The following PTPN22 variants were observed in gnomAD, a reference collection of about 807,000 sequenced individuals.
The protein encoded by PTPN22 is tyrosine-protein phosphatase non-receptor type 22.
In PTPN22, 85 loss-of-function variants were observed where a neutral mutation model predicts 103.3. The ratio of observed to expected loss-of-function variants is 0.82; its 90% CI spans 0.69 to 0.99. PTPN22 has a LOEUF of 0.99. PTPN22 is among the 50% of genes least tolerant of loss of function. The pLI, the probability that PTPN22 is intolerant of heterozygous loss-of-function variation, is 0.00. For missense variants in PTPN22, 865 were observed against 936.9 expected (o/e 0.92, Z 1.00); for synonymous variants, 323 against 310.2 (o/e 1.04, Z -0.43).
intron 10 of PTPN22, 117 bp from the exon 11 acceptor site, chr1:113,848,743 G>C: frequency 5.6e-6 from 5 of 895,776 alleles, no homozygotes; most frequent in Non-Finnish European, 8.7e-6. Context: ...AGACCCAAAA[G>C]GACGATCGGC....
Position 113,852,421 on chromosome 1 carries a change from T to G in PTPN22, c.751-317A>C, listed in dbSNP as rs187781178. The stretch of plus-strand genomic sequence containing the variant: ...TGAGAGTTGCATAAAATAAAAGAGG[T>G]TGGTAGGTAGGTCTAAAGGCCATAT... On this transcript the variant is annotated intron_variant, in intron 9 of 20. Coordinates refer to ENST00000359785, the Ensembl canonical transcript of PTPN22. Among the ~76,000 whole-genome samples, 4 of 152,090 alleles carry G rather than the reference T, an allele frequency of 2.6e-5. No homozygotes were observed. In the East Asian group the frequency reaches 7.7e-4, roughly 29 times the overall value.
chr1:113,859,317 G>A, intron 2 of PTPN22, 35 bp downstream of exon 2: 1 of 1,578,634 alleles, frequency 6.3e-7, no homozygotes, highest in Non-Finnish European at 8.7e-7. Flanking sequence ...GAATTTGGGA[G>A]AAAGTATGAG....
chr1:113,849,607 A>G (rs1294997901), intron 10 of PTPN22, among the ~76,000 whole-genome samples: 1 of 143,966 alleles, frequency 6.9e-6, no homozygotes, highest in African/African-American at 2.6e-5. Context: ...TTTTTTTTTG[A>G]GACACGGTCT....
At chr1:113,838,801 G>A (rs1663256789) in intron 11 of PTPN22, among the ~76,000 whole-genome samples, 181 bp from the exon 12 acceptor site, 1 of 152,148 alleles carries the variant, frequency 6.6e-6, no homozygotes, top group African/African-American at 2.4e-5. Context: ...ATACTGAGAT[G>A]GCCAGAATAA....
rs1213608568 is a variant in PTPN22 at position 113,858,791 on chromosome 1, C to T, written c.273+211G>A. Among the ~76,000 whole-genome samples, 3 of 151,938 alleles carry T rather than the reference C, an allele frequency of 2.0e-5. No individual in the cohort carries two copies. The East Asian group carries it at 5.8e-4, about 29-fold the overall frequency. On this transcript the variant is annotated intron_variant, in intron 3 of 20. Transcript: ENST00000359785. ...AGTAGCTGGGACTACAAGCGCATGC[C>T]ACCACACCTGGCTAATTTTTTAACT...
intron 1 of PTPN22, among the ~76,000 whole-genome samples, chr1:113,867,723 A>G (rs1358452928): frequency 6.6e-6 from 1 of 152,234 alleles, no homozygotes; most frequent in Non-Finnish European, 1.5e-5. Flanking sequence ...AAAACCTTAG[A>G]TGGGTGGTCA....
intron 11 of PTPN22, among the ~76,000 whole-genome samples, chr1:113,838,924 T>C (rs1383183615): frequency 2.0e-5 from 3 of 152,208 alleles, no homozygotes; most frequent in Non-Finnish European, 4.4e-5. Flanking sequence ...AAAAACACTC[T>C]GCCTTTAGAA....
chr1:113,847,027 C>G (rs2102028632), intron 11 of PTPN22, among the ~76,000 whole-genome samples: 1 of 79,200 alleles, frequency 1.3e-5, no homozygotes, highest in South Asian at 4.6e-4. Flanking sequence ...CCTTAGTTCC[C>G]TGCAGCTCTG....
chr1:113,860,349 T>C (rs970763008), intron 1 of PTPN22, among the ~76,000 whole-genome samples: 2 of 152,174 alleles, frequency 1.3e-5, no homozygotes, highest in Non-Finnish European at 2.9e-5. Flanking sequence ...ATTATAGATA[T>C]GTATGTATAG....
At chr1:113,865,946 AT>A (rs886943237) in intron 1 of PTPN22, among the ~76,000 whole-genome samples, 42 of 152,234 alleles carry the variant, frequency 2.8e-4, no homozygotes, top group Admixed American at 6.5e-5. Flanking sequence ...CATAACTTAA[AT>A]TCAAACCAAG....
chr1:113,865,061 G>A (rs748219889), intron 1 of PTPN22, among the ~76,000 whole-genome samples: 1 of 152,040 alleles, frequency 6.6e-6, no homozygotes, highest in African/African-American at 2.4e-5. Context: ...AGAAGCTGGA[G>A]AGACACCATG....
In PTPN22 at chr1:113,852,016, A is replaced by G; in HGVS notation, c.828+11T>C. On this transcript the variant is annotated intron_variant, in intron 10 of 20. Transcript: ENST00000359785. ...AGACACATGTTCTGATCCATTCACT[A>G]TAGTTCATACCTGCGTTTGAACTAA... 1.3e-6 allele frequency: 2 copies of G among 1,590,238 alleles called. No individual in the cohort carries two copies. The highest frequency in any genetic ancestry group is 1.7e-6 in the Non-Finnish European group (2 of 1,158,850).
exon 13 of PTPN22, chr1:113,838,351 T>C (rs1663211503): frequency 6.3e-7 from 1 of 1,599,140 alleles, no homozygotes; most frequent in Non-Finnish European, 8.5e-7. Context: ...GGAAGAAGAT[T>C]CTTTGATTTC....
At chr1:113,824,944 A>ATAT (rs1206806486) in intron 19 of PTPN22, among the ~76,000 whole-genome samples, 198 bp downstream of exon 19, 2 of 146,924 alleles carry the variant, frequency 1.4e-5, no homozygotes, top group African/African-American at 5.0e-5. Flanking sequence ...TCCCTGCCCA[A>ATAT]TATTAGTATT....
chr1:113,834,259 A>G, intron 15 of PTPN22, 50 bp downstream of exon 15: 1 of 1,564,986 alleles, frequency 6.4e-7, no homozygotes, highest in Non-Finnish European at 8.8e-7. Flanking sequence ...AAGGAGTAGA[A>G]CTGTAGTCTA....
At chr1:113,825,476 T>C (rs111351741) in intron 18 of PTPN22, among the ~76,000 whole-genome samples, 415 of 152,134 alleles carry the variant, frequency 2.7e-3, no homozygotes, top group African/African-American at 9.5e-3. Flanking sequence ...GGCAGGAGGA[T>C]TGTTTGAGCT....
chr1:113,837,011 G>A (rs1663076109), intron 13 of PTPN22, among the ~76,000 whole-genome samples: 1 of 152,142 alleles, frequency 6.6e-6, no homozygotes. Context: ...AAGCACTCCT[G>A]CTGGTACAGA....
chr1:113,863,870 T>C (rs1317190916), intron 1 of PTPN22, among the ~76,000 whole-genome samples: 1 of 149,804 alleles, frequency 6.7e-6, no homozygotes, highest in Non-Finnish European at 1.5e-5. Context: ...GGTATCTTCT[T>C]TCTGTTAGGA....
At chr1:113,870,881 A>C (rs1208789034) in intron 1 of PTPN22, among the ~76,000 whole-genome samples, 1 of 152,076 alleles carries the variant, frequency 6.6e-6, no homozygotes, top group Non-Finnish European at 1.5e-5. Context: ...ATTTTTTTTT[A>C]AATTAGCCAG....
Sources: gnomAD v4.1 joint callset for allele counts (sites outside exome capture counted in the v4.1 genomes callset) on GRCh38, gnomAD v4.1.1 for gene constraint, MANE v1.5 for transcripts, NCBI Gene and HGNC (gene_info 2026-07-23, HGNC 2026-07-21) for gene names.